The following MTR variants were observed in gnomAD, a reference collection of about 807,000 sequenced individuals.
MTR encodes 5-methyltetrahydrofolate-homocysteine methyltransferase, also known as methionine synthase.
Under a neutral mutation model 154.8 loss-of-function variants are expected in MTR, and 84 were observed. The ratio of observed to expected loss-of-function variants is 0.54; its 90% CI spans 0.45 to 0.65. The LOEUF (loss-of-function observed/expected upper bound fraction) is 0.65, where lower values mean the gene tolerates loss of function less well. Among genes scored for constraint, MTR ranks in the 30% least tolerant of loss-of-function variants. The probability of loss-of-function intolerance (pLI) is 0.00; values close to 1 mark genes in which losing one functional copy is unlikely to be tolerated. For synonymous variants in MTR, 554 were observed against 553.9 expected, an observed-to-expected ratio of 1.00 and a Z score of 0.00; for missense variants, 1,275 against 1,570.2, an observed-to-expected ratio of 0.81 and a Z score of 3.18.
At chr1:236,842,603 A>G (rs977702042) in intron 15 of MTR, among the ~76,000 whole-genome samples, 1 of 151,914 alleles carries the variant, frequency 6.6e-6, no homozygotes, top group African/African-American at 2.4e-5. Context: ...AAATATATAT[A>G]GCAACTGTTA....
chr1:236,807,289 T>G (rs1661038888), intron 3 of MTR, among the ~76,000 whole-genome samples: 1 of 152,194 alleles, frequency 6.6e-6, no homozygotes, highest in African/African-American at 2.4e-5. Flanking sequence ...TTCTCCTGCT[T>G]TAGCCCTCCA....
chr1:236,839,545 A>G (rs543896763), intron 15 of MTR, among the ~76,000 whole-genome samples: 2 of 152,334 alleles, frequency 1.3e-5, no homozygotes, highest in East Asian at 3.9e-4. Context: ...GCTCTGCCAT[A>G]GAATCAGGGT....
intron 32 of MTR, among the ~76,000 whole-genome samples, 192 bp downstream of exon 32, chr1:236,897,310 G>GCGCGCGCGCGCGCGCGCGCGCACA: frequency 3.9e-5 from 5 of 128,678 alleles, no homozygotes; most frequent in Non-Finnish European, 8.6e-5. Flanking sequence ...CCACACACAC[G>GCGCGCGCGCGCGCGCGCGCGCACA]CACACACACA....
intron 15 of MTR, among the ~76,000 whole-genome samples, chr1:236,844,648 G>A (rs891092607): frequency 2.0e-5 from 3 of 152,132 alleles, no homozygotes; most frequent in Non-Finnish European, 4.4e-5. Flanking sequence ...GTGAGTGGAG[G>A]GGTGGCTTTA....
At chr1:236,883,282 T>C (rs1012745789) in intron 25 of MTR, among the ~76,000 whole-genome samples, 1 of 152,184 alleles carries the variant, frequency 6.6e-6, no homozygotes, top group Non-Finnish European at 1.5e-5. Context: ...GGTGGAAGGA[T>C]CATGTAGGTT....
At chr1:236,890,020 C>T (rs2147935346) in intron 28 of MTR, among the ~76,000 whole-genome samples, 1 of 152,228 alleles carries the variant, frequency 6.6e-6, no homozygotes, top group South Asian at 2.1e-4. Context: ...GACACGGAAT[C>T]CAAATGCAAA....
rs141893144 is a variant in MTR, at chr1:236,838,097, T to C, written c.1330-317T>C. Among the ~76,000 whole-genome samples the C allele has an allele frequency of 3.6e-4, 55 of 152,300 alleles. No homozygotes were observed. The East Asian group carries it at 0.011, about 29-fold the overall frequency. On this transcript the variant is annotated intron_variant, in intron 14 of 32. Coordinates refer to ENST00000366577, the MANE Select transcript of MTR (RefSeq NM_000254.3). ...GATGTCTGAATCCTAGCTGAGGTGTTTGCCTCGGGGCTTAGGCGCTTGAAA... is the reference window on the plus strand; with the variant it reads ...GATGTCTGAATCCTAGCTGAGGTGTCTGCCTCGGGGCTTAGGCGCTTGAAA...
chr1:236,891,188 T>G lies in MTR; in HGVS notation c.3063T>G (p.Ile1021Met). Reference protein sequence around the residue: ...DDAHNMLNTLISQKKLRARGV... With the variant: ...DDAHNMLNTLMSQKKLRARGV... ...CCCACAATATGCTGAACACACTGAT[T>G]AGTCAAAAGAAACTCCGGGCCCGGG... The change falls in exon 29 of 33, where the codon ATT (isoleucine) becomes ATG (methionine). Residue 1021 changes from isoleucine (I) to methionine (M), a missense_variant. Transcript: ENST00000366577. The G allele has an allele frequency of 6.2e-7, 1 of 1,614,054 alleles. No homozygotes were observed. Among genetic ancestry groups the G allele is most frequent in the Non-Finnish European group, 8.5e-7 (1 of 1,180,016 alleles).
At chr1:236,852,718 A>T (rs1663981103) in intron 17 of MTR, 81 bp downstream of exon 17, 1 of 1,302,414 alleles carries the variant, frequency 7.7e-7, no homozygotes, top group Non-Finnish European at 1.1e-6. Context: ...ATGCAGGCTA[A>T]GTCCGGCCTG....
chr1:236,856,610 C>G (rs1238258154), intron 18 of MTR, among the ~76,000 whole-genome samples: 1 of 151,806 alleles, frequency 6.6e-6, no homozygotes, highest in Admixed American at 6.6e-5. Context: ...TATACACATG[C>G]TATGGTGGTT....
Position 236,885,262 on chromosome 1 carries a change from G to A in MTR, c.2775+43G>A, listed in dbSNP as rs2275566. ...ATTTTTGCTTGTTTTTAATGTGACT[G>A]TTTTTTATGATCCTAGTTTTTAATG... On this transcript the variant is annotated intron_variant, in intron 26 of 32. Transcript: ENST00000366577. The A allele has an allele frequency of 0.66, 774,062 of 1,181,190 alleles. 258,611 individuals are homozygous for A. The highest frequency in any genetic ancestry group is 0.9 in the African/African-American group (59,469 of 66,256). 73.2% of individuals were successfully genotyped at this position (1,181,190 alleles called of 1,614,324 possible).
chr1:236,813,958 C>G (rs1661451423), intron 6 of MTR, among the ~76,000 whole-genome samples: 1 of 152,058 alleles, frequency 6.6e-6, no homozygotes, highest in African/African-American at 2.4e-5. Context: ...ACTTACAGAG[C>G]CACTCCTCAG....
chr1:236,838,522 G>T lies in MTR; in HGVS notation c.1438G>T (p.Asp480Tyr), dbSNP rs1310485201. ...CATTAGTCTGAAGGAAGGAGAGGAC[G>T]ACTTCTTGGAGAAGGCCAGGAAGAT... ...NSISLKEGED[D>Y]FLEKARKIKK... The change falls in exon 15 of 33, where the codon GAC becomes TAC. Residue 480 changes from aspartate to tyrosine, a missense_variant. Physicochemically the swap from Asp to Tyr is radical, Grantham distance 160. Coordinates refer to ENST00000366577, the MANE Select transcript of MTR (RefSeq NM_000254.3). 1 of 1,614,078 alleles carries T rather than the reference G, an allele frequency of 6.2e-7. No individual in the cohort carries two copies. Among genetic ancestry groups the T allele is most frequent in the South Asian group, 1.1e-5 (1 of 91,052 alleles).
intron 1 of MTR, among the ~76,000 whole-genome samples, chr1:236,796,899 C>T (rs935750366): frequency 2.6e-4 from 40 of 151,874 alleles, no homozygotes; most frequent in African/African-American, 9.0e-4. Context: ...GATTTCTGGC[C>T]TCCCCCTTCC....
In MTR at chr1:236,880,831, G is replaced by A. The variant is rs1665691972; in HGVS notation, c.2671G>A (p.Val891Met). Reference protein sequence around the residue: ...IHVLDASKSVVVCSQLLDENL... With the variant: ...IHVLDASKSVMVCSQLLDENL... ...TGTCCTGGACGCGTCCAAGAGTGTGGTGGTGGTAAGTGGGTGACCTTACAT... is the reference window on the plus strand; with the variant it reads ...TGTCCTGGACGCGTCCAAGAGTGTGATGGTGGTAAGTGGGTGACCTTACAT... The change falls in exon 25 of 33, where the codon GTG becomes ATG. Residue 891 changes from valine (V) to methionine (M), a missense_variant. Physicochemically the swap from Val to Met is conservative, Grantham distance 21. Transcript: ENST00000366577. 1 of 1,613,706 alleles carries A rather than the reference G, an allele frequency of 6.2e-7. No individual in the cohort carries two copies. The highest frequency in any genetic ancestry group is 8.5e-7 in the Non-Finnish European group (1 of 1,179,714).
chr1:236,810,022 T>C (rs1239202826), intron 4 of MTR, among the ~76,000 whole-genome samples: 1 of 152,224 alleles, frequency 6.6e-6, no homozygotes, highest in Admixed American at 6.5e-5. Flanking sequence ...TGTAAGGTGA[T>C]TTTGCAGAAC....
At chr1:236,840,992 A>G (rs1484975638) in intron 15 of MTR, among the ~76,000 whole-genome samples, 3 of 152,144 alleles carry the variant, frequency 2.0e-5, no homozygotes, top group Admixed American at 6.5e-5. Flanking sequence ...GTGGTGTGGG[A>G]CCTTTTGATA....
chr1:236,895,678 G>T (rs1214631167), intron 31 of MTR, 128 bp downstream of exon 31: 2 of 920,160 alleles, frequency 2.2e-6, no homozygotes, highest in East Asian at 5.5e-5. Flanking sequence ...CCCTTATGCT[G>T]TCCTTTTTCA....
chr1:236,819,464 T>C (rs1462836810), intron 8 of MTR, among the ~76,000 whole-genome samples: 1 of 152,234 alleles, frequency 6.6e-6, no homozygotes, highest in African/African-American at 2.4e-5. Flanking sequence ...AATATTCCGT[T>C]GCGAAGATGT....
Sources: allele counts gnomAD v4.1 joint callset (sites outside exome capture counted in the v4.1 genomes callset), GRCh38; gene constraint gnomAD v4.1.1; transcripts MANE v1.5; gene names NCBI Gene and HGNC (gene_info 2026-07-23, HGNC 2026-07-21).